SCARA3: variants seen among roughly 807,000 people sequenced by gnomAD.
The protein encoded by SCARA3 is cellular stress response gene protein.
Under a neutral mutation model 47.0 loss-of-function variants are expected in SCARA3, and 39 were observed. That is an observed-to-expected ratio of 0.83 (90% CI 0.64 to 1.08). The LOEUF is 1.08. SCARA3 is among the 50% of genes least tolerant of loss of function. SCARA3 has a pLI of 0.00. For synonymous variants in SCARA3, 356 were observed against 334.1 expected, an observed-to-expected ratio of 1.07 and a Z score of -0.71; for missense variants, 724 against 792.3, an observed-to-expected ratio of 0.91 and a Z score of 1.04.
the SCARA3 span, among the ~76,000 whole-genome samples, chr8:27,710,581 C>T: frequency 6.6e-6 from 1 of 152,202 alleles, no homozygotes; most frequent in Non-Finnish European, 1.5e-5. Flanking sequence ...CTCATTGCCA[C>T]TCCACTTTCC....
chr8:27,646,011 T>C (rs1423411627), intron 1 of SCARA3, among the ~76,000 whole-genome samples: 5 of 152,212 alleles, frequency 3.3e-5, no homozygotes, highest in Admixed American at 6.5e-5. Flanking sequence ...TTGGATTATG[T>C]TCTCATTAAG....
chr8:27,710,645 G>C, the SCARA3 span, among the ~76,000 whole-genome samples: 1 of 151,874 alleles, frequency 6.6e-6, no homozygotes, highest in Non-Finnish European at 1.5e-5. Context: ...TTTCCAGTGA[G>C]TGTTCAAATT....
chr8:27,682,647 G>A, the SCARA3 span, among the ~76,000 whole-genome samples: 1 of 152,084 alleles, frequency 6.6e-6, no homozygotes, highest in Non-Finnish European at 1.5e-5. Flanking sequence ...ACAACTATCA[G>A]GTGACCAAGG....
the SCARA3 span, among the ~76,000 whole-genome samples, chr8:27,716,096 A>G: frequency 2.0e-5 from 3 of 152,208 alleles, no homozygotes; most frequent in African/African-American, 7.2e-5. Flanking sequence ...ACTTGGGACC[A>G]GGAGTTCAAG....
chr8:27,684,677 A>G, the SCARA3 span, among the ~76,000 whole-genome samples: 14 of 151,488 alleles, frequency 9.2e-5, no homozygotes, highest in Admixed American at 2.0e-4. Flanking sequence ...AAAAAAAAAA[A>G]AGGAAAAGGA....
chr8:27,653,869 G>C (rs1317969230), intron 3 of SCARA3, among the ~76,000 whole-genome samples: 1 of 152,038 alleles, frequency 6.6e-6, no homozygotes, highest in African/African-American at 2.4e-5. Context: ...TCTGTAAAAG[G>C]CTACATAGTA....
At chr8:27,649,248 C>A (rs561566431) in intron 1 of SCARA3, among the ~76,000 whole-genome samples, 23 of 152,294 alleles carry the variant, frequency 1.5e-4, no homozygotes, top group African/African-American at 3.9e-4. Context: ...CTGGCCTCCT[C>A]CTGGCTATGC....
At chr8:27,655,416 A>C (rs1801722183) in intron 3 of SCARA3, among the ~76,000 whole-genome samples, 2 of 152,148 alleles carry the variant, frequency 1.3e-5, no homozygotes, top group Admixed American at 1.3e-4. Context: ...AGGCCCATTC[A>C]GGCACCCGCT....
chr8:27,670,460 C>A (rs140612376), intron 5 of SCARA3, among the ~76,000 whole-genome samples: 10 of 152,322 alleles, frequency 6.6e-5, no homozygotes, highest in South Asian at 2.1e-4. Flanking sequence ...CTGGGACACA[C>A]CTATTTCTCA....
the SCARA3 span, among the ~76,000 whole-genome samples, chr8:27,709,626 G>A: frequency 1.3e-5 from 2 of 152,144 alleles, no homozygotes; most frequent in African/African-American, 4.8e-5. Context: ...AAATCTGGAG[G>A]GGCAGTGGTG....
the SCARA3 span, among the ~76,000 whole-genome samples, chr8:27,714,903 AG>A: frequency 6.6e-6 from 1 of 151,950 alleles, no homozygotes; most frequent in Admixed American, 6.6e-5. Context: ...CCACTCTTTA[AG>A]TTTCTTTTTC....
the SCARA3 span, among the ~76,000 whole-genome samples, chr8:27,706,150 T>C: frequency 1.3e-5 from 2 of 152,022 alleles, no homozygotes; most frequent in African/African-American, 4.8e-5. Context: ...AGTTTATTTG[T>C]TTGTTTTTGT....
chr8:27,656,214 ATAGTTC>A (rs1386923958), intron 3 of SCARA3, among the ~76,000 whole-genome samples: 2 of 152,200 alleles, frequency 1.3e-5, no homozygotes, highest in Admixed American at 6.5e-5. Flanking sequence ...TACTGTTCTA[ATAGTTC>A]TATTTTATTA....
At chr8:27,638,203 C>T (rs1254722475) in intron 1 of SCARA3, among the ~76,000 whole-genome samples, 2 of 152,074 alleles carry the variant, frequency 1.3e-5, no homozygotes, top group Admixed American at 6.5e-5. Flanking sequence ...TGGCAGTTTC[C>T]GTGAAGGACA....
At chr8:27,660,047 C>G (rs1279269500) in intron 5 of SCARA3, among the ~76,000 whole-genome samples, 1 of 151,930 alleles carries the variant, frequency 6.6e-6, no homozygotes, top group Non-Finnish European at 1.5e-5. Flanking sequence ...TGAAAACTGT[C>G]TCCTCTTTTT....
At chr8:27,649,395 C>G (rs1178672649) in intron 1 of SCARA3, among the ~76,000 whole-genome samples, 2 of 152,236 alleles carry the variant, frequency 1.3e-5, no homozygotes, top group African/African-American at 2.4e-5. Context: ...GCTCTTATTT[C>G]TCCTTACTCC....
At chr8:27,667,634 C>A (rs1802044631) in intron 5 of SCARA3, among the ~76,000 whole-genome samples, 1 of 152,236 alleles carries the variant, frequency 6.6e-6, no homozygotes, top group South Asian at 2.1e-4. Context: ...GGAGCAACAG[C>A]CTCCTGCCTG....
chr8:27,723,863 G>C, the SCARA3 span, among the ~76,000 whole-genome samples: 1 of 152,172 alleles, frequency 6.6e-6, no homozygotes, highest in Admixed American at 6.5e-5. Flanking sequence ...AGCCTCCCGA[G>C]TAGCTGGGAG....
chr8:27,658,896 C>G lies in SCARA3; in HGVS notation c.726C>G (p.Asp242Glu). 1 of 1,614,160 alleles carries G rather than the reference C, an allele frequency of 6.2e-7. No individual in the cohort carries two copies. The highest frequency in any genetic ancestry group is 1.1e-5 in the South Asian group (1 of 91,072). ...EWIHGIQRKT[D>E]EETLTLQKIV... ...TCCACGGGATCCAGCGGAAGACAGA[C>G]GAGGAGACCCTGACCCTCCAGAAGA... The change falls in exon 5 of 6, where the codon GAC becomes GAG. Residue 242 changes from aspartate (D) to glutamate (E), a missense_variant. Transcript: ENST00000301904.
Sources: gnomAD v4.1 joint callset for allele counts (sites outside exome capture counted in the v4.1 genomes callset) on GRCh38, gnomAD v4.1.1 for gene constraint, MANE v1.5 for transcripts, NCBI Gene and HGNC (gene_info 2026-07-23, HGNC 2026-07-21) for gene names.